INPP4B: variants seen among roughly 807,000 people sequenced by gnomAD.
INPP4B encodes the protein inositol polyphosphate 4-phosphatase type II.
Under a neutral mutation model 122.5 loss-of-function variants are expected in INPP4B, and 55 were observed. The observed-to-expected ratio is 0.45, with a 90% CI of 0.36 to 0.56. INPP4B has a LOEUF of 0.56. INPP4B is among the 20% of genes least tolerant of loss of function. The pLI, the probability that INPP4B is intolerant of heterozygous loss-of-function variation, is 0.00. For synonymous variants in INPP4B, 403 were observed against 388.7 expected, an observed-to-expected ratio of 1.04 and a Z score of -0.43; for missense variants, 1,000 against 1,097.7, an observed-to-expected ratio of 0.91 and a Z score of 1.26.
chr4:142,698,635 A>G (rs936180545), intron 2 of INPP4B, among the ~76,000 whole-genome samples: 1 of 152,156 alleles, frequency 6.6e-6, no homozygotes, highest in African/African-American at 2.4e-5. Flanking sequence ...ACCTACTGTG[A>G]TCTTTCAGGC....
At chr4:142,445,612 A>G (rs1812742701) in intron 3 of INPP4B, among the ~76,000 whole-genome samples, 1 of 152,154 alleles carries the variant, frequency 6.6e-6, no homozygotes, top group East Asian at 1.9e-4. Flanking sequence ...TGAGGACACA[A>G]ACATTCCTCT....
intron 1 of INPP4B, among the ~76,000 whole-genome samples, chr4:142,787,662 T>C (rs938175365): frequency 6.6e-6 from 1 of 152,026 alleles, no homozygotes; most frequent in Non-Finnish European, 1.5e-5. Flanking sequence ...CAATGGTTAA[T>C]TACAAATTTA....
rs1294583880 is a variant in INPP4B, at chr4:142,403,334, GGTTA to G, written c.256-284_256-281del. 8.0e-4 allele frequency among the ~76,000 whole-genome samples: 122 copies of G among 152,128 alleles called. 2 individuals are homozygous for G. The highest frequency in any genetic ancestry group is 7.4e-3 in the Admixed American group (113 of 15,294). ...TATTATCTACAGAACCCTTCTTTAG[GGTTA>G]GTTAATTTAAAATACACTTAATAAA... is the stretch of plus-strand genomic sequence containing the variant. On this transcript the variant is annotated intron_variant, in intron 6 of 25. Transcript: ENST00000262992.
intron 2 of INPP4B, among the ~76,000 whole-genome samples, chr4:142,601,088 C>T (rs923288436): frequency 6.6e-6 from 1 of 152,034 alleles, no homozygotes; most frequent in African/African-American, 2.4e-5. Flanking sequence ...GACTTTTATA[C>T]AATCATAATG....
At chr4:142,276,192 C>A (rs550579604) in intron 9 of INPP4B, among the ~76,000 whole-genome samples, 6 of 151,938 alleles carry the variant, frequency 3.9e-5, no homozygotes, top group East Asian at 3.9e-4. Context: ...ACCTGAAGAA[C>A]CTACTTCCCT....
chr4:142,173,534 A>T (rs1460151918), intron 16 of INPP4B, 98 bp downstream of exon 16: 2 of 1,013,528 alleles, frequency 2.0e-6, no homozygotes, highest in African/African-American at 3.3e-5. Context: ...TCTATTTTAC[A>T]TTTCCAGATG....
At chr4:142,541,734 C>T (rs1246607141) in intron 2 of INPP4B, among the ~76,000 whole-genome samples, 3 of 152,148 alleles carry the variant, frequency 2.0e-5, no homozygotes, top group Admixed American at 1.3e-4. Flanking sequence ...AGCATGAATG[C>T]TGGCTTCTCA....
intron 7 of INPP4B, among the ~76,000 whole-genome samples, chr4:142,322,451 T>A (rs569874968): frequency 6.6e-6 from 1 of 152,256 alleles, no homozygotes; most frequent in Admixed American, 6.5e-5. Flanking sequence ...TAGGTAAAAT[T>A]AATGAAAGGA....
chr4:142,812,201 G>T (rs902234582), intron 1 of INPP4B, among the ~76,000 whole-genome samples: 3 of 152,094 alleles, frequency 2.0e-5, no homozygotes, highest in African/African-American at 4.8e-5. Context: ...TCCAGGAAAT[G>T]ATATATATCT....
intron 11 of INPP4B, among the ~76,000 whole-genome samples, chr4:142,257,226 G>A (rs1429280432): frequency 3.5e-4 from 53 of 152,050 alleles, no homozygotes; most frequent in African/African-American, 1.1e-3. Context: ...AGAGCTATCT[G>A]TGACAAACCC....
chr4:142,615,989 T>C (rs923633266), intron 2 of INPP4B, among the ~76,000 whole-genome samples: 8 of 152,058 alleles, frequency 5.3e-5, no homozygotes, highest in African/African-American at 1.9e-4. Flanking sequence ...AGAGGGGCCA[T>C]ATGTTTGAGG....
Position 142,024,287 on chromosome 4 carries a change from A to G in INPP4B, c.*4495T>C, listed in dbSNP as rs1451457906. On this transcript the variant is annotated 3_prime_UTR_variant, in exon 26 of 26. Transcript: ENST00000262992. ...ATTGGGACTTTATAAGCTAAGAAAC[A>G]TAAATACAGGTGGGAAAAAGCATAG... The G allele has an allele frequency of 6.6e-6, 1 of 152,226 alleles. No individual in the cohort carries two copies. Among genetic ancestry groups the G allele is most frequent in the African/African-American group, 2.4e-5 (1 of 41,474 alleles). 9.4% of individuals were successfully genotyped at this position (152,226 alleles called of 1,614,324 possible).
chr4:142,637,265 T>C (rs921672162), intron 2 of INPP4B, among the ~76,000 whole-genome samples: 5 of 152,168 alleles, frequency 3.3e-5, no homozygotes, highest in African/African-American at 4.8e-5. Flanking sequence ...TTTTGACATA[T>C]GTATAATGAG....
intron 1 of INPP4B, among the ~76,000 whole-genome samples, chr4:142,745,465 T>C (rs1768574447): frequency 6.6e-6 from 1 of 151,964 alleles, no homozygotes; most frequent in Non-Finnish European, 1.5e-5. Context: ...ACCATTCACA[T>C]GTTTTCTATA....
intron 11 of INPP4B, among the ~76,000 whole-genome samples, chr4:142,256,374 T>C (rs1322931005): frequency 6.6e-6 from 1 of 151,000 alleles, no homozygotes; most frequent in Middle Eastern, 3.4e-3. Context: ...CTGAAGGAAA[T>C]AGAGACACAA....
chr4:142,515,760 C>T (rs1373862392), intron 2 of INPP4B, among the ~76,000 whole-genome samples: 2 of 152,140 alleles, frequency 1.3e-5, no homozygotes, highest in Admixed American at 6.5e-5. Flanking sequence ...AGTCTGAAAA[C>T]CACAGAGCCA....
At chr4:142,643,963 G>A (rs1751139901) in intron 2 of INPP4B, among the ~76,000 whole-genome samples, 1 of 152,126 alleles carries the variant, frequency 6.6e-6, no homozygotes, top group African/African-American at 2.4e-5. Flanking sequence ...TGCTTTGGGA[G>A]GCTGAGGCAG....
intron 25 of INPP4B, among the ~76,000 whole-genome samples, chr4:142,080,102 T>C (rs1234818467): frequency 6.6e-6 from 1 of 152,010 alleles, no homozygotes; most frequent in East Asian, 1.9e-4. Context: ...TTTTAAAAGA[T>C]GAGGAAACTG....
chr4:142,845,016 C>G (rs1386936378), intron 1 of INPP4B, among the ~76,000 whole-genome samples: 1 of 152,032 alleles, frequency 6.6e-6, no homozygotes, highest in Non-Finnish European at 1.5e-5. Context: ...ATATAATGAC[C>G]TCAAATAACA....
Sources: gnomAD v4.1 joint callset for allele counts (sites outside exome capture counted in the v4.1 genomes callset) on GRCh38, gnomAD v4.1.1 for gene constraint, MANE v1.5 for transcripts, NCBI Gene and HGNC (gene_info 2026-07-23, HGNC 2026-07-21) for gene names.